The following FANCI variants were observed in gnomAD, a reference collection of about 807,000 sequenced individuals.
The protein encoded by FANCI is FA complementation group I, also known as Fanconi anemia group I protein.
A neutral mutation model predicts 176.1 loss-of-function variants in FANCI; 156 were observed. The observed-to-expected ratio is 0.89, with a 90% CI of 0.78 to 1.01. The LOEUF is 1.01. Among genes scored for constraint, FANCI ranks in the 50% least tolerant of loss-of-function variants. The probability of loss-of-function intolerance (pLI) is 0.00; values close to 1 mark genes in which losing one functional copy is unlikely to be tolerated. For synonymous variants in FANCI, 613 were observed against 541.7 expected, an observed-to-expected ratio of 1.13 and a Z score of -1.83; for missense variants, 1,678 against 1,534.1, an observed-to-expected ratio of 1.09 and a Z score of -1.57.
At chr15:89,314,497 T>G (rs1026183079) in intron 35 of FANCI, 115 bp from the exon 36 acceptor site, 1 of 802,508 alleles carries the variant, frequency 1.2e-6, no homozygotes, top group African/African-American at 1.7e-5. Context: ...TGCATTTGAT[T>G]GGGAGACAGA....
chr15:89,265,019 A>G (rs1046463935), intron 9 of FANCI, among the ~76,000 whole-genome samples: 2 of 152,216 alleles, frequency 1.3e-5, no homozygotes, highest in African/African-American at 4.8e-5. Flanking sequence ...TGGATGATCT[A>G]CCACTGACAG....
chr15:89,299,510 C>T (rs1482593237), intron 24 of FANCI, among the ~76,000 whole-genome samples: 3 of 152,114 alleles, frequency 2.0e-5, no homozygotes, highest in African/African-American at 7.2e-5. Context: ...ACTCAGAAGG[C>T]TATATACTGA....
At chr15:89,278,922 T>C (rs1254294219) in intron 14 of FANCI, 148 bp downstream of exon 14, 1 of 660,682 alleles carries the variant, frequency 1.5e-6, no homozygotes, top group African/African-American at 1.8e-5. Flanking sequence ...ATTTATGTTG[T>C]CTGGGATTGT....
At chr15:89,266,333 T>TC (rs1168906066) in intron 9 of FANCI, among the ~76,000 whole-genome samples, 1 of 150,336 alleles carries the variant, frequency 6.7e-6, no homozygotes, top group Non-Finnish European at 1.5e-5. Context: ...GGCTAATTTT[T>TC]TTTTTTTTTT....
chr15:89,252,127 C>G (rs1441084259), intron 2 of FANCI, among the ~76,000 whole-genome samples: 2 of 150,222 alleles, frequency 1.3e-5, no homozygotes, highest in African/African-American at 4.9e-5. Flanking sequence ...TGGTGAAACC[C>G]CTTCTCTACT....
intron 4 of FANCI, among the ~76,000 whole-genome samples, chr15:89,261,280 G>A (rs1407115470): frequency 4.6e-5 from 7 of 151,890 alleles, no homozygotes; most frequent in Admixed American, 1.3e-4. Context: ...CAAAAAAAAA[G>A]CAGATGAATG....
intron 2 of FANCI, among the ~76,000 whole-genome samples, chr15:89,251,056 AC>A (rs1374132923): frequency 6.6e-6 from 1 of 151,970 alleles, no homozygotes; most frequent in East Asian, 1.9e-4. Context: ...GGGGAAAAAA[AC>A]ACCATTAATT....
chr15:89,271,706 A>G (rs893207904), intron 10 of FANCI, among the ~76,000 whole-genome samples: 1 of 152,118 alleles, frequency 6.6e-6, no homozygotes. Context: ...TCTTGCTGTG[A>G]ACTCCTGACC....
In FANCI at chr15:89,307,510, C is replaced by T; in HGVS notation, c.3572C>T (p.Pro1191Leu). The T allele has an allele frequency of 6.2e-7, 1 of 1,614,072 alleles. No homozygotes were observed. Among genetic ancestry groups the T allele is most frequent in the Non-Finnish European group, 8.5e-7 (1 of 1,180,012 alleles). Residue 1191 changes from proline (P) to leucine (L), a missense_variant, in exon 33 of 38, where the codon CCA becomes CTA. Transcript: ENST00000310775. Reference protein sequence around the residue: ...LQVCQSSGGIPKNMEKLVKLS... With the variant: ...LQVCQSSGGILKNMEKLVKLS... ...GTGTGTCAGAGCTCCGGAGGAATTC[C>T]AAAAAATATGGAAAAGCTGGTGAGT...
At position 89,299,798 on chromosome 15, in the gene FANCI, A is replaced by G; in HGVS notation, c.2637-2A>G. The G allele has an allele frequency of 6.2e-7, 1 of 1,613,154 alleles. No homozygotes were observed. Among genetic ancestry groups the G allele is most frequent in the East Asian group, 2.2e-5 (1 of 44,838 alleles). ...AAACAATACCACTTTCTCCTGCTTC[A>G]GAGTCTTGCTATGGAGATACACTTC... On this transcript the variant is annotated splice_acceptor_variant, in intron 24 of 37. Transcript: ENST00000310775. LOFTEE classifies it high-confidence loss of function.
intron 24 of FANCI, among the ~76,000 whole-genome samples, chr15:89,298,227 A>G (rs2054386858): frequency 6.6e-6 from 1 of 152,184 alleles, no homozygotes; most frequent in Admixed American, 6.5e-5. Context: ...TTAGGTGCAC[A>G]TGGTGTATTC....
chr15:89,270,582 T>C (rs1459491009), intron 10 of FANCI, among the ~76,000 whole-genome samples: 1 of 152,198 alleles, frequency 6.6e-6, no homozygotes, highest in African/African-American at 2.4e-5. Flanking sequence ...AAAATTTTAA[T>C]TGCATCTTTC....
chr15:89,314,970 A>AGTG (rs1332385672), intron 36 of FANCI, among the ~76,000 whole-genome samples: 1 of 150,982 alleles, frequency 6.6e-6, no homozygotes, highest in African/African-American at 2.4e-5. Context: ...ATACCCCACT[A>AGTG]GTTTTTTGGG....
At chr15:89,291,866 A>G in intron 20 of FANCI, 152 bp downstream of exon 20, 12 of 694,862 alleles carry the variant, frequency 1.7e-5, no homozygotes, top group Non-Finnish European at 3.0e-5. Context: ...TTTCTGAACC[A>G]TTATCATTTT....
At chr15:89,314,784 A>T (rs573202077) in intron 36 of FANCI, 77 bp downstream of exon 36, 1 of 1,022,562 alleles carries the variant, frequency 9.8e-7, no homozygotes, top group African/African-American at 1.6e-5. Context: ...CAGCACAACT[A>T]CAATGGAGGA....
intron 12 of FANCI, among the ~76,000 whole-genome samples, chr15:89,275,963 T>C (rs966739825): frequency 2.6e-5 from 4 of 152,248 alleles, no homozygotes; most frequent in Non-Finnish European, 5.9e-5. Context: ...TTCTCCATTT[T>C]ATGTAATTGA....
chr15:89,255,623 A>G (rs1386527389), intron 2 of FANCI, among the ~76,000 whole-genome samples: 1 of 152,222 alleles, frequency 6.6e-6, no homozygotes, highest in Non-Finnish European at 1.5e-5. Context: ...AGCCACAAGG[A>G]AACATCAGAC....
intron 18 of FANCI, among the ~76,000 whole-genome samples, chr15:89,288,169 G>A (rs554737045): frequency 6.6e-6 from 1 of 152,304 alleles, no homozygotes; most frequent in East Asian, 1.9e-4. Flanking sequence ...TGTTTAAACA[G>A]TTAAGGCACA....
chr15:89,291,057 C>G (rs932276823), intron 19 of FANCI, among the ~76,000 whole-genome samples: 2 of 152,162 alleles, frequency 1.3e-5, no homozygotes, highest in Non-Finnish European at 2.9e-5. Flanking sequence ...ATAGCGCTTT[C>G]TGACTCAGGT....
Sources: allele counts gnomAD v4.1 joint callset (sites outside exome capture counted in the v4.1 genomes callset), GRCh38; gene constraint gnomAD v4.1.1; transcripts MANE v1.5; gene names NCBI Gene and HGNC (gene_info 2026-07-23, HGNC 2026-07-21).